The following NOS1AP variants were observed in gnomAD, a reference collection of about 807,000 sequenced individuals.
NOS1AP encodes nitric oxide synthase 1 adaptor protein.
A neutral mutation model predicts 56.2 loss-of-function variants in NOS1AP; 21 were observed. The observed-to-expected ratio is 0.37, with a 90% CI of 0.26 to 0.54. The LOEUF is 0.54. NOS1AP is among the 20% of genes least tolerant of loss of function. NOS1AP has a pLI of 0.84. For synonymous variants in NOS1AP, 270 were observed against 274.6 expected (o/e 0.98, Z 0.17); for missense variants, 522 against 657.8 (o/e 0.79, Z 2.26).
At chr1:162,136,982 C>T (rs1232373621) in intron 1 of NOS1AP, among the ~76,000 whole-genome samples, 7 of 152,152 alleles carry the variant, frequency 4.6e-5, no homozygotes, top group Admixed American at 1.3e-4. Flanking sequence ...AAAAGCACCT[C>T]GGACTTGCTC....
At chr1:162,272,195 C>T (rs770138167) in intron 2 of NOS1AP, among the ~76,000 whole-genome samples, 3 of 152,164 alleles carry the variant, frequency 2.0e-5, no homozygotes, top group Non-Finnish European at 4.4e-5. Context: ...GCGGGGCCCA[C>T]CCTCTTGACG....
intron 2 of NOS1AP, among the ~76,000 whole-genome samples, chr1:162,198,716 C>G (rs1651885559): frequency 1.3e-5 from 2 of 152,164 alleles, no homozygotes; most frequent in Admixed American, 1.3e-4. Context: ...GATTCAATAG[C>G]CTGGTATTTG....
intron 1 of NOS1AP, among the ~76,000 whole-genome samples, chr1:162,127,592 G>A (rs1271210495): frequency 6.6e-6 from 1 of 152,032 alleles, no homozygotes; most frequent in Admixed American, 6.6e-5. Flanking sequence ...ATTGATGTTG[G>A]CATCTTCTCT....
intron 2 of NOS1AP, among the ~76,000 whole-genome samples, chr1:162,254,568 T>A (rs1653965150): frequency 6.6e-6 from 1 of 152,138 alleles, no homozygotes; most frequent in African/African-American, 2.4e-5. Context: ...CATTTTAGGG[T>A]AAGGAGTGGG....
intron 1 of NOS1AP, among the ~76,000 whole-genome samples, chr1:162,077,576 C>T (rs1691795548): frequency 2.0e-5 from 3 of 152,042 alleles, no homozygotes; most frequent in Admixed American, 2.0e-4. Context: ...CTTTGAAACA[C>T]AAAGTTTTAA....
At chr1:162,314,022 C>T (rs1656146041) in intron 4 of NOS1AP, among the ~76,000 whole-genome samples, 1 of 152,206 alleles carries the variant, frequency 6.6e-6, no homozygotes, top group Non-Finnish European at 1.5e-5. Flanking sequence ...AGTAGGTGCT[C>T]AATAAATACA....
At chr1:162,085,009 T>G (rs563778211) in intron 1 of NOS1AP, among the ~76,000 whole-genome samples, 2 of 152,276 alleles carry the variant, frequency 1.3e-5, no homozygotes, top group Non-Finnish European at 2.9e-5. Context: ...CTGTTGCTGT[T>G]GAAAAATTTT....
intron 2 of NOS1AP, among the ~76,000 whole-genome samples, chr1:162,186,435 A>T (rs1365674627): frequency 6.6e-6 from 1 of 152,188 alleles, no homozygotes; most frequent in South Asian, 2.1e-4. Context: ...AAACAAAAAA[A>T]CCCCAGCTCT....
At chr1:162,320,777 C>T (rs1571216654) in intron 4 of NOS1AP, among the ~76,000 whole-genome samples, 1 of 152,236 alleles carries the variant, frequency 6.6e-6, no homozygotes, top group East Asian at 1.9e-4. Context: ...TCGCTTGAAC[C>T]AGGGAGGTGG....
intron 4 of NOS1AP, among the ~76,000 whole-genome samples, chr1:162,328,792 T>C (rs757377483): frequency 3.6e-4 from 55 of 152,340 alleles, no homozygotes; most frequent in African/African-American, 1.2e-3. Flanking sequence ...TCCTGGTAAC[T>C]AGAACCTCTT....
intron 2 of NOS1AP, among the ~76,000 whole-genome samples, chr1:162,224,786 C>T (rs12734991): frequency 0.41 from 62,661 of 151,920 alleles, 15,883 homozygotes; most frequent in Non-Finnish European, 0.57. Flanking sequence ...GGAGAATTGA[C>T]CAGAATCTTC....
chr1:162,335,220 A>G (rs1283512777), intron 5 of NOS1AP, among the ~76,000 whole-genome samples: 2 of 152,044 alleles, frequency 1.3e-5, no homozygotes, highest in Admixed American at 6.6e-5. Context: ...ATCCTCACCT[A>G]CTGAGACCCT....
At chr1:162,300,749 A>G in intron 4 of NOS1AP, 43 bp downstream of exon 4, 1 of 1,566,188 alleles carries the variant, frequency 6.4e-7, no homozygotes, top group Non-Finnish European at 8.8e-7. Flanking sequence ...TGAGCCCCAG[A>G]GTCCTCCTGC....
intron 1 of NOS1AP, among the ~76,000 whole-genome samples, chr1:162,137,682 G>GA (rs1406710164): frequency 1.3e-5 from 2 of 151,954 alleles, no homozygotes; most frequent in Admixed American, 1.3e-4. Context: ...TCTGACGGAT[G>GA]AAAAAACTCA....
At chr1:162,365,034 C>T (rs1405362605) in intron 8 of NOS1AP, 1 of 1,130,434 alleles carries the variant, frequency 8.8e-7, no homozygotes, top group Non-Finnish European at 1.1e-6. Context: ...TGAAGGAGTT[C>T]TCTAAGCAGG....
chr1:162,242,985 G>A (rs184019028), intron 2 of NOS1AP, among the ~76,000 whole-genome samples: 70 of 142,474 alleles, frequency 4.9e-4, no homozygotes, highest in African/African-American at 1.6e-3. Flanking sequence ...CCCTATATAC[G>A]CATACCCATG....
chr1:162,320,244 A>T (rs1173431678), intron 4 of NOS1AP, among the ~76,000 whole-genome samples: 1 of 152,182 alleles, frequency 6.6e-6, no homozygotes, highest in African/African-American at 2.4e-5. Flanking sequence ...CAATGAGAAA[A>T]GAGCTTCTGG....
chr1:162,251,626 G>C (rs973269132), intron 2 of NOS1AP, among the ~76,000 whole-genome samples: 2 of 151,488 alleles, frequency 1.3e-5, no homozygotes, highest in South Asian at 2.1e-4. Context: ...GTGTGTGTGT[G>C]TGTGTGTCTG....
intron 2 of NOS1AP, among the ~76,000 whole-genome samples, chr1:162,186,342 T>A (rs986303423): frequency 6.6e-6 from 1 of 152,000 alleles, no homozygotes; most frequent in African/African-American, 2.4e-5. Flanking sequence ...CTGTTTTTTT[T>A]AATGTAAAGC....
Sources: gnomAD v4.1 joint callset for allele counts (sites outside exome capture counted in the v4.1 genomes callset) on GRCh38, gnomAD v4.1.1 for gene constraint, MANE v1.5 for transcripts, NCBI Gene and HGNC (gene_info 2026-07-23, HGNC 2026-07-21) for gene names.